Variants in MIPOL1 observed in about 807,000 individuals in gnomAD.
The protein encoded by MIPOL1 is mirror-image polydactyly gene 1 protein.
In MIPOL1, 57 loss-of-function variants were observed where a neutral mutation model predicts 60.9. The observed-to-expected ratio is 0.94, with a 90% confidence interval of 0.76 to 1.17. The LOEUF (loss-of-function observed/expected upper bound fraction) is 1.17, where lower values mean the gene tolerates loss of function less well. Ranked by LOEUF, MIPOL1 falls within the 50% of genes most tolerant of loss-of-function variation. The pLI is 0.00. For missense variants in MIPOL1, 551 were observed against 511.6 expected (o/e 1.08, Z -0.74); for synonymous variants, 179 against 168.8 (o/e 1.06, Z -0.47).
chr14:37,499,971 A>G lies in MIPOL1; in HGVS notation c.1095A>G (p.Thr365=), dbSNP rs757105271. The stretch of plus-strand genomic sequence containing the variant: ...ATCAGTTTAACTATACCCTTAGTAC[A>G]TATGAAGAAGCTTTAAAAAACAGAG... ...LKDQFNYTLS[T]YEEALKNREN... The change falls in exon 12 of 13, where the codon ACA becomes ACG. Residue 365 remains threonine (T), a synonymous_variant. Coordinates refer to ENST00000684589, the MANE Select transcript of MIPOL1 (RefSeq NM_001388067.1). The G allele has an allele frequency of 3.7e-6, 6 of 1,613,074 alleles. No individual in the cohort carries two copies. The highest frequency in any genetic ancestry group is 1.7e-5 in the Admixed American group (1 of 60,002).
At chr14:37,429,944 A>G (rs1027845808) in intron 11 of MIPOL1, among the ~76,000 whole-genome samples, 2 of 152,176 alleles carry the variant, frequency 1.3e-5, no homozygotes, top group Non-Finnish European at 2.9e-5. Flanking sequence ...CATGCAAACT[A>G]TAGCCATGAA....
chr14:37,431,233 G>A (rs2094058023), intron 11 of MIPOL1, among the ~76,000 whole-genome samples: 1 of 152,140 alleles, frequency 6.6e-6, no homozygotes, highest in South Asian at 2.1e-4. Context: ...TAGGTCCACA[G>A]GTGGCAATTG....
chr14:37,542,204 G>C (rs933591343), intron 12 of MIPOL1, among the ~76,000 whole-genome samples: 2 of 152,054 alleles, frequency 1.3e-5, no homozygotes, highest in South Asian at 2.1e-4. Flanking sequence ...TCACTTCTTG[G>C]AGTTCTCATC....
chr14:37,289,875 C>G (rs2084908272), intron 7 of MIPOL1, among the ~76,000 whole-genome samples: 2 of 152,122 alleles, frequency 1.3e-5, no homozygotes, highest in African/African-American at 4.8e-5. Context: ...GGGCTGCCAG[C>G]TATCAGTTAA....
chr14:37,548,306 A>G lies in MIPOL1; in HGVS notation c.*1335A>G, dbSNP rs2095553209. 2.0e-5 allele frequency: 3 copies of G among 151,782 alleles called. No individual in the cohort carries two copies. The South Asian group carries it at 6.2e-4, about 31-fold the overall frequency. 9.4% of individuals were successfully genotyped at this position (151,782 alleles called of 1,614,324 possible). On this transcript the variant is annotated 3_prime_UTR_variant, in exon 13 of 13. Transcript: ENST00000684589. ...AGATTATCCATTTCAATTTTTTTTTACTCCACAGGAAAATGTAAGCTACTT... is the reference window on the plus strand; with the variant it reads ...AGATTATCCATTTCAATTTTTTTTTGCTCCACAGGAAAATGTAAGCTACTT...
intron 9 of MIPOL1, among the ~76,000 whole-genome samples, chr14:37,365,521 C>G (rs1024264067): frequency 6.6e-6 from 1 of 152,042 alleles, no homozygotes; most frequent in Admixed American, 6.6e-5. Flanking sequence ...GATTGATTTG[C>G]GTATGTTGAA....
intron 12 of MIPOL1, among the ~76,000 whole-genome samples, chr14:37,531,204 T>C (rs752232069): frequency 9.2e-5 from 14 of 152,138 alleles, no homozygotes; most frequent in Non-Finnish European, 2.1e-4. Context: ...CTTATTTGCC[T>C]CTCTTTGTTC....
rs567793804 is a variant in MIPOL1, at chr14:37,324,725, T to A, written c.828+16206T>A. 9.9e-5 allele frequency among the ~76,000 whole-genome samples: 15 copies of A among 152,242 alleles called. 1 individual carries two copies. The highest frequency in any genetic ancestry group is 9.2e-4 in the Admixed American group (14 of 15,286). ...GATTTATTTTGAGTTACTTATCATG[T>A]ATGGTAAGATAAAGATTGAAGTTCA... is the stretch of plus-strand genomic sequence containing the variant. On this transcript the variant is annotated intron_variant, in intron 9 of 12. Coordinates refer to ENST00000684589, the MANE Select transcript of MIPOL1 (RefSeq NM_001388067.1).
intron 7 of MIPOL1, among the ~76,000 whole-genome samples, chr14:37,297,726 T>C (rs2085899728): frequency 6.6e-6 from 1 of 151,754 alleles, no homozygotes; most frequent in South Asian, 2.1e-4. Context: ...GAGAATAAAA[T>C]ACCTAGGAAT....
intron 11 of MIPOL1, among the ~76,000 whole-genome samples, chr14:37,442,484 C>T (rs1263284754): frequency 2.0e-5 from 3 of 151,938 alleles, no homozygotes; most frequent in Non-Finnish European, 4.4e-5. Flanking sequence ...TTTGCCCATT[C>T]GGTATGATGT....
chr14:37,204,828 A>G (rs1965831881), intron 1 of MIPOL1, among the ~76,000 whole-genome samples: 1 of 152,086 alleles, frequency 6.6e-6, no homozygotes, highest in African/African-American at 2.4e-5. Context: ...AAACTGGGTA[A>G]CAAGCAGAGG....
At chr14:37,455,351 T>C (rs926891436) in intron 11 of MIPOL1, among the ~76,000 whole-genome samples, 1 of 152,180 alleles carries the variant, frequency 6.6e-6, no homozygotes, top group Admixed American at 6.5e-5. Flanking sequence ...ACACCTGATT[T>C]TGTTCTCTTC....
intron 6 of MIPOL1, among the ~76,000 whole-genome samples, chr14:37,275,007 A>G (rs990025066): frequency 1.3e-4 from 20 of 151,306 alleles, no homozygotes; most frequent in Admixed American, 1.3e-3. Context: ...TTTTGTTAAA[A>G]TAGTTTACAA....
intron 12 of MIPOL1, chr14:37,505,152 C>T (rs1004387882): frequency 2.0e-5 from 3 of 152,176 alleles, no homozygotes; most frequent in African/African-American, 7.2e-5. Context: ...GACAGATTCA[C>T]AGCTGAATTC....
chr14:37,437,857 TC>T (rs1454138471), intron 11 of MIPOL1, among the ~76,000 whole-genome samples: 1 of 152,196 alleles, frequency 6.6e-6, no homozygotes, highest in Non-Finnish European at 1.5e-5. Flanking sequence ...ATTATTATAA[TC>T]CCAATGTTGA....
At chr14:37,342,959 A>G (rs1212470279) in intron 9 of MIPOL1, among the ~76,000 whole-genome samples, 2 of 150,018 alleles carry the variant, frequency 1.3e-5, no homozygotes, top group Non-Finnish European at 3.0e-5. Flanking sequence ...ATTTTAATAT[A>G]GTATTTTAGG....
At chr14:37,391,318 C>A (rs2093231355) in intron 10 of MIPOL1, among the ~76,000 whole-genome samples, 1 of 150,942 alleles carries the variant, frequency 6.6e-6, no homozygotes, top group African/African-American at 2.4e-5. Flanking sequence ...AACACAAACA[C>A]AGAAATGTAA....
intron 3 of MIPOL1, among the ~76,000 whole-genome samples, chr14:37,264,063 TTAG>T (rs915596327): frequency 3.3e-5 from 5 of 151,940 alleles, no homozygotes; most frequent in African/African-American, 1.2e-4. Flanking sequence ...GCTAAAGCTC[TTAG>T]TAGCTTCGTC....
intron 12 of MIPOL1, among the ~76,000 whole-genome samples, chr14:37,535,220 TAGTC>T (rs1293690470): frequency 2.0e-5 from 3 of 152,178 alleles, no homozygotes; most frequent in African/African-American, 7.2e-5. Context: ...AGATAGTAGT[TAGTC>T]AATGTTTAAA....
Sources: gnomAD v4.1 joint callset for allele counts (sites outside exome capture counted in the v4.1 genomes callset) on GRCh38, gnomAD v4.1.1 for gene constraint, MANE v1.5 for transcripts, NCBI Gene and HGNC (gene_info 2026-07-23, HGNC 2026-07-21) for gene names.